Variants in UTS2B observed in about 807,000 individuals in gnomAD.
The protein encoded by UTS2B is urotensin-2B.
A neutral mutation model predicts 19.2 loss-of-function variants in UTS2B; 21 were observed. The observed-to-expected ratio is 1.09, with a 90% CI of 0.78 to 1.58. The LOEUF (loss-of-function observed/expected upper bound fraction) is 1.58. UTS2B is among the 40% of genes most tolerant of loss of function. UTS2B has a pLI of 0.00. For synonymous variants in UTS2B, 57 were observed against 50.2 expected, an observed-to-expected ratio of 1.14 and a Z score of -0.58; for missense variants, 138 against 130.3, an observed-to-expected ratio of 1.06 and a Z score of -0.29.
chr3:191,276,924 T>G, intron 6 of UTS2B, 80 bp from the exon 7 acceptor site: 1 of 1,292,006 alleles, frequency 7.7e-7, no homozygotes, highest in Non-Finnish European at 1.1e-6. Context: ...ATTTAAGATC[T>G]TACGTAGAAA....
rs1159214854 is a variant in UTS2B at position 191,267,314 on chromosome 3, C to T, written c.*1102G>A. ...CAAAACCATTTTGATAGTGACATAC[C>T]TTCAAAAGTGCAACTGATTAGTGAT... On this transcript the variant is annotated 3_prime_UTR_variant, in exon 9 of 9. Coordinates refer to ENST00000340524, the MANE Select transcript of UTS2B (RefSeq NM_198152.5). 6.6e-6 allele frequency: 1 copy of T among 152,144 alleles called. No homozygotes were observed. The highest frequency in any genetic ancestry group is 1.5e-5 in the Non-Finnish European group (1 of 68,030). The allele number at this position is 152,144 out of a possible 1,614,324, so 9.4% of individuals were successfully genotyped here.
chr3:191,346,177 A>G, the UTS2B span, among the ~76,000 whole-genome samples: 3 of 152,210 alleles, frequency 2.0e-5, no homozygotes, highest in Middle Eastern at 3.2e-3. Context: ...TAAAATTGCT[A>G]CTACAACTGA....
chr3:191,326,377 G>A (rs1717746721), intron 2 of UTS2B, among the ~76,000 whole-genome samples: 2 of 151,874 alleles, frequency 1.3e-5, no homozygotes, highest in Non-Finnish European at 2.9e-5. Context: ...TGTGGAATTT[G>A]GTAGTTTTCA....
intron 1 of UTS2B, among the ~76,000 whole-genome samples, 164 bp downstream of exon 1, chr3:191,330,250 G>C (rs1026131263): frequency 6.6e-6 from 1 of 151,922 alleles, no homozygotes; most frequent in African/African-American, 2.4e-5. Flanking sequence ...TCTTGGCTGT[G>C]TTCTGCGCGG....
chr3:191,289,153 T>C (rs1350332852), intron 4 of UTS2B, among the ~76,000 whole-genome samples: 2 of 152,130 alleles, frequency 1.3e-5, no homozygotes, highest in Admixed American at 6.6e-5. Context: ...CTCACGCCTG[T>C]AATCCCAGCA....
At chr3:191,300,029 A>T (rs1716953887) in intron 4 of UTS2B, among the ~76,000 whole-genome samples, 1 of 147,240 alleles carries the variant, frequency 6.8e-6, no homozygotes, top group Non-Finnish European at 1.5e-5. Context: ...TTTTTTTAAC[A>T]TTTTTTTTTA....
chr3:191,335,551 T>C, the UTS2B span, among the ~76,000 whole-genome samples: 2 of 152,270 alleles, frequency 1.3e-5, no homozygotes, highest in African/African-American at 2.4e-5. Flanking sequence ...TTCTCAGATA[T>C]TGCTTTTAAA....
Position 191,325,937 on chromosome 3 carries a change from A to G in UTS2B, c.-586+2694T>C, listed in dbSNP as rs114512275. 9.1e-3 allele frequency among the ~76,000 whole-genome samples: 1,386 copies of G among 152,336 alleles called. 22 individuals are homozygous for G. The highest frequency in any genetic ancestry group is 0.032 in the African/African-American group (1,332 of 41,580). ...GCCATTCAGTCTGTGGTATTTTGTTATGGCAACCTTAGAATATTCATACAG... is the reference window on the plus strand; with the variant it reads ...GCCATTCAGTCTGTGGTATTTTGTTGTGGCAACCTTAGAATATTCATACAG... On this transcript the variant is annotated intron_variant, in intron 2 of 8. Transcript: ENST00000340524.
chr3:191,313,849 A>AGATACT lies in UTS2B; in HGVS notation c.-182+2186_-182+2187insAGTATC, dbSNP rs199688228. On this transcript the variant is annotated intron_variant, in intron 3 of 8. Coordinates refer to ENST00000340524, the MANE Select transcript of UTS2B (RefSeq NM_198152.5). ...AGGTTCAAGTGATTCTCCTTCCTCC[A>AGATACT]CCTCCTGAGTAGCTGAGCTCACTGG... Among the ~76,000 whole-genome samples, 1,390 of 147,178 alleles carry AGATACT rather than the reference A, an allele frequency of 9.4e-3. 50 individuals are homozygous for AGATACT. Among genetic ancestry groups the AGATACT allele is most frequent in the East Asian group, 0.078 (388 of 4,968 alleles).
chr3:191,306,052 C>A (rs141728527), intron 3 of UTS2B, among the ~76,000 whole-genome samples: 2 of 152,232 alleles, frequency 1.3e-5, no homozygotes, highest in Admixed American at 6.5e-5. Context: ...CACTACCATG[C>A]TGTTTTGATT....
At chr3:191,274,328 T>G (rs760001958) in intron 8 of UTS2B, among the ~76,000 whole-genome samples, 18 of 152,210 alleles carry the variant, frequency 1.2e-4, no homozygotes, top group Non-Finnish European at 2.4e-4. Flanking sequence ...AAATAATTTT[T>G]TAAGTTAAGC....
chr3:191,276,170 T>G (rs1716230459), intron 7 of UTS2B, among the ~76,000 whole-genome samples: 1 of 152,208 alleles, frequency 6.6e-6, no homozygotes, highest in South Asian at 2.1e-4. Flanking sequence ...CTAATTGCCT[T>G]AGGCCCTGAA....
intron 2 of UTS2B, among the ~76,000 whole-genome samples, chr3:191,327,381 C>T (rs1717771864): frequency 6.6e-6 from 1 of 152,202 alleles, no homozygotes; most frequent in African/African-American, 2.4e-5. Flanking sequence ...CCTGTAATCC[C>T]AGCTACTCGG....
chr3:191,307,391 T>C (rs1717168091), intron 3 of UTS2B, among the ~76,000 whole-genome samples: 1 of 151,984 alleles, frequency 6.6e-6, no homozygotes. Flanking sequence ...TAAGGCAAAA[T>C]TATATGCTAT....
At chr3:191,332,199 T>C (rs1036891036), upstream of UTS2B, among the ~76,000 whole-genome samples, 1 of 152,164 alleles carries the variant, frequency 6.6e-6, no homozygotes, top group Non-Finnish European at 1.5e-5. Context: ...TAAGGGGATA[T>C]TTAAAAATCT....
At chr3:191,344,781 G>C in the UTS2B span, among the ~76,000 whole-genome samples, 1 of 152,262 alleles carries the variant, frequency 6.6e-6, no homozygotes, top group South Asian at 2.1e-4. Context: ...ATTTCACTCT[G>C]TTGCCCAGGC....
At chr3:191,307,075 A>G (rs1717159614) in intron 3 of UTS2B, among the ~76,000 whole-genome samples, 1 of 152,228 alleles carries the variant, frequency 6.6e-6, no homozygotes, top group Non-Finnish European at 1.5e-5. Flanking sequence ...TAAACAAAAG[A>G]AAGGTTCATA....
chr3:191,329,589 C>CGCT (rs1717873954), intron 1 of UTS2B: 6 of 1,418,964 alleles, frequency 4.2e-6, no homozygotes, highest in East Asian at 5.3e-5. Context: ...CCGCGTCCGG[C>CGCT]GCTGCTGCTG....
At chr3:191,344,486 A>G in the UTS2B span, among the ~76,000 whole-genome samples, 2 of 152,244 alleles carry the variant, frequency 1.3e-5, no homozygotes, top group East Asian at 3.8e-4. Context: ...ATAGTGTGAA[A>G]CAATTATTTG....
Sources: allele counts gnomAD v4.1 joint callset (sites outside exome capture counted in the v4.1 genomes callset), GRCh38; gene constraint gnomAD v4.1.1; transcripts MANE v1.5; gene names NCBI Gene and HGNC (gene_info 2026-07-23, HGNC 2026-07-21).